Variants in DOCK2 observed in about 807,000 individuals in gnomAD.
The protein encoded by DOCK2 is dedicator of cytokinesis 2, also known as dedicator of cytokinesis protein 2.
DOCK2 carries 87 observed loss-of-function variants against 248.9 expected under a neutral mutation model. The ratio of observed to expected loss-of-function variants is 0.35; its 90% CI spans 0.29 to 0.42. DOCK2 has a LOEUF of 0.42. Among genes scored for constraint, DOCK2 ranks in the 10% least tolerant of loss-of-function variants. The probability of loss-of-function intolerance (pLI) is 1.00; values close to 1 mark genes in which losing one functional copy is unlikely to be tolerated. For missense variants in DOCK2, 1,747 were observed against 2,300.2 expected (o/e 0.76, Z 4.92); for synonymous variants, 805 against 821.6 (o/e 0.98, Z 0.35).
chr5:169,638,580 G>A (rs187663429), intron 1 of DOCK2, among the ~76,000 whole-genome samples: 49 of 152,288 alleles, frequency 3.2e-4, no homozygotes, highest in Admixed American at 6.5e-4. Flanking sequence ...GTTATGCATG[G>A]AAAGCATTTA....
At position 169,848,737 on chromosome 5, in the gene DOCK2, T is replaced by C. The variant is rs147162755; in HGVS notation, c.2799+7885T>C. On this transcript the variant is annotated intron_variant, in intron 27 of 51. Coordinates refer to ENST00000520908, the MANE Select transcript of DOCK2 (RefSeq NM_004946.3). ...ACCCCGGTTTTCACAGAGGAGGCTA[T>C]TGAGTGATTAAGTAAAGGTAAATGC... Among the ~76,000 whole-genome samples, 130 of 152,294 alleles carry C rather than the reference T, an allele frequency of 8.5e-4. 1 individual carries two copies. Among genetic ancestry groups the C allele is most frequent in the African/African-American group, 2.9e-3 (120 of 41,564 alleles).
chr5:169,925,661 G>A (rs1775408707), intron 27 of DOCK2, among the ~76,000 whole-genome samples: 1 of 149,718 alleles, frequency 6.7e-6, no homozygotes, highest in South Asian at 2.1e-4. Flanking sequence ...TGTGTGACCT[G>A]TGGGACTTCT....
At chr5:169,697,937 A>T (rs1369632012) in intron 10 of DOCK2, among the ~76,000 whole-genome samples, 3 of 152,212 alleles carry the variant, frequency 2.0e-5, no homozygotes, top group African/African-American at 7.2e-5. Flanking sequence ...ATCTGTACAT[A>T]TGAGTATGCT....
chr5:169,828,031 G>T (rs1768981849), intron 26 of DOCK2, among the ~76,000 whole-genome samples: 1 of 152,138 alleles, frequency 6.6e-6, no homozygotes, highest in Non-Finnish European at 1.5e-5. Context: ...CCATGGAGAA[G>T]GGCACACATT....
At chr5:170,070,457 G>C (rs181500350) in intron 46 of DOCK2, among the ~76,000 whole-genome samples, 1 of 152,178 alleles carries the variant, frequency 6.6e-6, no homozygotes, top group African/African-American at 2.4e-5. Flanking sequence ...CGCTTTTCCC[G>C]AATGCATGTT....
intron 45 of DOCK2, among the ~76,000 whole-genome samples, 156 bp downstream of exon 45, chr5:170,067,842 A>G (rs535379862): frequency 6.6e-6 from 1 of 152,264 alleles, no homozygotes; most frequent in African/African-American, 2.4e-5. Context: ...ATGTTTCTAT[A>G]GCCTCATGTC....
At chr5:169,651,994 G>C (rs556538484) in intron 1 of DOCK2, among the ~76,000 whole-genome samples, 7 of 152,318 alleles carry the variant, frequency 4.6e-5, no homozygotes, top group African/African-American at 1.7e-4. Context: ...TACATTTACT[G>C]AGCACTTACT....
chr5:169,875,418 A>G (rs1413283100), intron 27 of DOCK2: 8 of 402,796 alleles, frequency 2.0e-5, no homozygotes, highest in South Asian at 8.9e-5. Context: ...CCCTTGGCTG[A>G]GTGGAACTCA....
intron 22 of DOCK2, among the ~76,000 whole-genome samples, chr5:169,731,690 G>C (rs550855648): frequency 1.3e-5 from 2 of 152,186 alleles, no homozygotes; most frequent in East Asian, 3.9e-4. Context: ...CTCAGAATAA[G>C]GTTCTTCCAA....
At chr5:169,676,650 G>T (rs549987402) in intron 6 of DOCK2, among the ~76,000 whole-genome samples, 1 of 151,966 alleles carries the variant, frequency 6.6e-6, no homozygotes, top group Non-Finnish European at 1.5e-5. Context: ...GAGGCCCAGC[G>T]TCTGGGCCAA....
chr5:170,063,133 GA>G (rs1270371964), intron 44 of DOCK2, among the ~76,000 whole-genome samples: 2 of 152,004 alleles, frequency 1.3e-5, no homozygotes, highest in Non-Finnish European at 1.5e-5. Context: ...AAGACCACAG[GA>G]AAAAAAAGCA....
intron 25 of DOCK2, among the ~76,000 whole-genome samples, chr5:169,785,746 T>C (rs1311450852): frequency 6.6e-6 from 1 of 152,214 alleles, no homozygotes; most frequent in Non-Finnish European, 1.5e-5. Context: ...AAGATGAGCT[T>C]GCCTTTCCTA....
chr5:169,735,586 C>T (rs776211433), intron 22 of DOCK2, among the ~76,000 whole-genome samples: 20 of 152,260 alleles, frequency 1.3e-4, no homozygotes, highest in African/African-American at 3.6e-4. Context: ...CATGTATAGA[C>T]GTCAGTTTTT....
At chr5:169,807,571 G>A (rs997414585) in intron 26 of DOCK2, among the ~76,000 whole-genome samples, 29 of 151,950 alleles carry the variant, frequency 1.9e-4, no homozygotes, top group Non-Finnish European at 4.1e-4. Flanking sequence ...TGTGGCTCAC[G>A]CCTGTAATCC....
chr5:169,959,099 A>G (rs984571867), intron 27 of DOCK2, among the ~76,000 whole-genome samples: 1 of 152,194 alleles, frequency 6.6e-6, no homozygotes, highest in African/African-American at 2.4e-5. Flanking sequence ...TCATGTATAA[A>G]AAGCACAAAC....
intron 28 of DOCK2, among the ~76,000 whole-genome samples, chr5:169,983,933 C>T (rs1013883496): frequency 1.1e-4 from 16 of 152,156 alleles, no homozygotes; most frequent in Non-Finnish European, 1.5e-4. Context: ...GTAAGATTGG[C>T]AAGAAATGGA....
At chr5:169,662,670 G>C (rs957291877) in intron 2 of DOCK2, among the ~76,000 whole-genome samples, 2 of 152,168 alleles carry the variant, frequency 1.3e-5, no homozygotes, top group Admixed American at 1.3e-4. Context: ...AGAACAAGAA[G>C]GGAAGTGCCA....
chr5:169,751,390 G>A (rs1165121183), intron 23 of DOCK2, among the ~76,000 whole-genome samples: 1 of 152,174 alleles, frequency 6.6e-6, no homozygotes, highest in Non-Finnish European at 1.5e-5. Context: ...GAAATAGTAC[G>A]AGGTGACCGG....
At chr5:169,971,552 C>T (rs80069508) in intron 27 of DOCK2, among the ~76,000 whole-genome samples, 1,658 of 152,046 alleles carry the variant, frequency 0.011, 16 homozygotes, top group South Asian at 0.016. Flanking sequence ...TGAGTTCAGC[C>T]TCATAGGATT....
Sources: gnomAD v4.1 joint callset for allele counts (sites outside exome capture counted in the v4.1 genomes callset) on GRCh38, gnomAD v4.1.1 for gene constraint, MANE v1.5 for transcripts, NCBI Gene and HGNC (gene_info 2026-07-23, HGNC 2026-07-21) for gene names.